The following SHANK1 variants were observed in gnomAD, a reference collection of about 807,000 sequenced individuals.
SHANK1 encodes the protein SH3 and multiple ankyrin repeat domains protein 1.
Under a neutral mutation model 165.6 loss-of-function variants are expected in SHANK1, and 35 were observed. The ratio of observed to expected loss-of-function variants is 0.21; its 90% CI spans 0.16 to 0.28. SHANK1 has a LOEUF of 0.28. Ranked by LOEUF, SHANK1 falls within the 10% of genes least tolerant of loss-of-function variation. The probability of loss-of-function intolerance (pLI) is 1.00; values close to 1 mark genes in which losing one functional copy is unlikely to be tolerated. For missense variants in SHANK1, 2,681 were observed against 3,036.4 expected (o/e 0.88, Z 2.75); for synonymous variants, 1,428 against 1,384.8 (o/e 1.03, Z -0.69).
chr19:50,713,680 A>G lies in SHANK1; in HGVS notation c.792+118T>C. ...CTCAGTCTATGGAAAGGGGCTTTGAACTGGGGACATGAGAGGGCCTATTTT... is the reference window on the plus strand; with the variant it reads ...CTCAGTCTATGGAAAGGGGCTTTGAGCTGGGGACATGAGAGGGCCTATTTT... On this transcript the variant is annotated intron_variant, in intron 6 of 23. Coordinates refer to ENST00000293441, the MANE Select transcript of SHANK1 (RefSeq NM_016148.5). The surrounding 1 kb of genome is among the most constrained non-coding windows in gnomAD (Gnocchi z 6.2). 7.5e-7 allele frequency: 1 copy of G among 1,332,192 alleles called. No individual in the cohort carries two copies. Among genetic ancestry groups the G allele is most frequent in the South Asian group, 1.3e-5 (1 of 76,118 alleles). The allele number at this position is 1,332,192 out of a possible 1,614,324, so 82.5% of individuals were successfully genotyped here.
Position 50,702,613 on chromosome 19 carries a change from G to A in SHANK1, c.1601C>T (p.Ser534Leu). The A allele has an allele frequency of 6.3e-7, 1 of 1,592,944 alleles. No individual in the cohort carries two copies. Among genetic ancestry groups the A allele is most frequent in the Admixed American group, 1.7e-5 (1 of 57,474 alleles). Residue 534 changes from serine to leucine, a missense_variant, in exon 12 of 24, where the codon TCA becomes TTA. Around this residue, in one of 10 missense-constraint regions of SHANK1, gnomAD observed 195 missense variants for 186.2 expected, o/e 1.05. Transcript: ENST00000293441. This position sits in a 1 kb window ranked among gnomAD's most constrained non-coding sequence, Gnocchi z 5.3. ...GCCCAGGGAGCCCCCGGGGCCCCCT[G>A]AGCCCCCCGTGCCCCCGGCTGGCCC... ...REGPAGGTGG[S>L]GGPGGSLGSR...
chr19:50,659,296 C>T lies in SHANK1; in HGVS notation c.*2669G>A, dbSNP rs926414522. 8.5e-6 allele frequency: 5 copies of T among 586,556 alleles called. No individual in the cohort carries two copies. Among genetic ancestry groups the T allele is most frequent in the Non-Finnish European group, 1.3e-5 (5 of 397,984 alleles). The allele number at this position is 586,556 out of a possible 1,614,324, so 36.3% of individuals were successfully genotyped here. On this transcript the variant is annotated 3_prime_UTR_variant, in exon 24 of 24. Coordinates refer to ENST00000293441, the MANE Select transcript of SHANK1 (RefSeq NM_016148.5). ...TGTGAGTTTAATTATAAAGAATGAC[C>T]TGGTACAAAAGCCATTTCTCTCTGC...
chr19:50,697,226 G>A lies in SHANK1; in HGVS notation c.1938-104C>T. ...CCCTGACTGCACCCTCCCCACACCG[G>A]TGCATGGGACACACACATTCCCACT... On this transcript the variant is annotated intron_variant, in intron 14 of 23. Coordinates refer to ENST00000293441, the MANE Select transcript of SHANK1 (RefSeq NM_016148.5). This position sits in a 1 kb window ranked among gnomAD's most constrained non-coding sequence, Gnocchi z 4.7. 6.6e-7 allele frequency: 1 copy of A among 1,524,098 alleles called. No homozygotes were observed. Among genetic ancestry groups the A allele is most frequent in the Non-Finnish European group, 9.1e-7 (1 of 1,100,616 alleles). 94.4% of individuals were successfully genotyped at this position (1,524,098 alleles called of 1,614,324 possible).
chr19:50,716,980 G>T lies in SHANK1; in HGVS notation c.-43-18C>A. 2 of 1,398,020 alleles carry T rather than the reference G, an allele frequency of 1.4e-6. No homozygotes were observed. Among genetic ancestry groups the T allele is most frequent in the Non-Finnish European group, 1.9e-6 (2 of 1,080,218 alleles). The allele number at this position is 1,398,020 out of a possible 1,614,324, so 86.6% of individuals were successfully genotyped here. On this transcript the variant is annotated intron_variant, in intron 1 of 23. Transcript: ENST00000293441. The surrounding 1 kb of genome is among the most constrained non-coding windows in gnomAD (Gnocchi z 8.4). ...ACAGGCGGCTGCAGGGGCCAAGGGC[G>T]GCCATCAGACTAGGAGCCCGGGACC...
rs398034977 is a variant in SHANK1, at chr19:50,694,019, CCACACACACACA to C, written c.1964+3065_1964+3076del. ...TGGGACAGACCCACTCCAGCACACA[CCACACACACACA>C]CACACACACACACACACACACACAC... is the stretch of plus-strand genomic sequence containing the variant. On this transcript the variant is annotated intron_variant, in intron 15 of 23. Transcript: ENST00000293441. 2.0e-3 allele frequency among the ~76,000 whole-genome samples: 273 copies of C among 138,686 alleles called. 1 individual carries two copies. The highest frequency in any genetic ancestry group is 6.7e-3 in the African/African-American group (247 of 36,730). 91.0% of individuals were successfully genotyped at this position (138,686 alleles called of 152,430 possible).
chr19:50,709,491 C>G (rs2088983430), intron 8 of SHANK1, among the ~76,000 whole-genome samples: 1 of 152,034 alleles, frequency 6.6e-6, no homozygotes. Flanking sequence ...GAAAGGAGAT[C>G]AAGGAGGGGA....
Position 50,662,085 on chromosome 19 carries a change from G to A in SHANK1, c.6366C>T (p.His2122=), listed in dbSNP as rs769028129. 6 of 1,614,074 alleles carry A rather than the reference G, an allele frequency of 3.7e-6. No individual in the cohort carries two copies. The highest frequency in any genetic ancestry group is 2.2e-5 in the South Asian group (2 of 91,084). Residue 2122 remains histidine (H), a synonymous_variant, in exon 24 of 24, where the codon CAC becomes CAT. Transcript: ENST00000293441. The surrounding 1 kb of genome is among the most constrained non-coding windows in gnomAD (Gnocchi z 7.7). ...CGGGCAGGTGGGAGCCATCGATCTC[G>A]TGGTCCAGGAACTGGGCTCGGTGCT... ...LAEHRAQFLD[H]EIDGSHLPAL...
At chr19:50,703,458 T>TGACGGGGCTGGGGACTGTGGA in intron 11 of SHANK1, 42 bp downstream of exon 11, 1 of 1,493,132 alleles carries the variant, frequency 6.7e-7, no homozygotes, top group Non-Finnish European at 9.0e-7. Flanking sequence ...AGAGGGGATT[T>TGACGGGGCTGGGGACTGTGGA]GACGGGGCTG....
intron 21 of SHANK1, among the ~76,000 whole-genome samples, chr19:50,679,551 C>T (rs1186940344): frequency 6.6e-6 from 1 of 152,140 alleles, no homozygotes; most frequent in East Asian, 1.9e-4. Flanking sequence ...AATCAGAGTG[C>T]GCAGCCTTGC....
In SHANK1 at chr19:50,662,371, G is replaced by A. The variant is rs150859202; in HGVS notation, c.6080C>T (p.Pro2027Leu). 1 of 1,583,200 alleles carries A rather than the reference G, an allele frequency of 6.3e-7. No homozygotes were observed. The highest frequency in any genetic ancestry group is 1.8e-5 in the Admixed American group (1 of 56,124). Residue 2027 changes from proline to leucine, a missense_variant, in exon 24 of 24, where the codon CCC becomes CTC. Physicochemically the swap from Pro to Leu is moderately conservative, Grantham distance 98. Transcript: ENST00000293441. The surrounding 1 kb of genome is among the most constrained non-coding windows in gnomAD (Gnocchi z 7.7). ...GATGTCAAAGAGGCCTGGGTAGAGG[G>A]GTCCGGAAGGCAGGATGGGCAGGGA... is the stretch of plus-strand genomic sequence containing the variant. ...PSSLPILPSGPLYPGLFDIRG... is the reference protein window; with the variant it reads ...PSSLPILPSGLLYPGLFDIRG...
rs771620821 is a variant in SHANK1 at position 50,697,562 on chromosome 19, G to T, written c.1937+27C>A. 1 of 1,576,908 alleles carries T rather than the reference G, an allele frequency of 6.3e-7. No homozygotes were observed. Among genetic ancestry groups the T allele is most frequent in the South Asian group, 1.1e-5 (1 of 90,230 alleles). ...GTGAAGGGAACTTGGGGTGAGGGGG[G>T]TTGCCCGAGGGTGTAAGGACATTTA... On this transcript the variant is annotated intron_variant, in intron 14 of 23. Coordinates refer to ENST00000293441, the MANE Select transcript of SHANK1 (RefSeq NM_016148.5). The surrounding 1 kb of genome is among the most constrained non-coding windows in gnomAD (Gnocchi z 4.7).
At chr19:50,674,608 G>A (rs1415390480) in intron 21 of SHANK1, among the ~76,000 whole-genome samples, 2 of 152,130 alleles carry the variant, frequency 1.3e-5, no homozygotes, top group African/African-American at 4.8e-5. Flanking sequence ...CTTTAGGCCT[G>A]CAGTGCCCCC....
In SHANK1 at chr19:50,662,192, C is replaced by G; in HGVS notation, c.6259G>C (p.Asp2087His). ...SPTRLLSLPPDKPFGAKPLGF... is the reference protein window; with the variant it reads ...SPTRLLSLPPHKPFGAKPLGF... Reference sequence around the variant, plus strand: ...AGAGGTTTAGCGCCAAACGGCTTGTCCGGGGGCAGCGAGAGCAGGCGGGTC... The same window carrying G: ...AGAGGTTTAGCGCCAAACGGCTTGTGCGGGGGCAGCGAGAGCAGGCGGGTC... Residue 2087 changes from aspartate (D) to histidine (H), a missense_variant, in exon 24 of 24, where the codon GAC (aspartate) becomes CAC (histidine). Transcript: ENST00000293441. The surrounding 1 kb of genome is among the most constrained non-coding windows in gnomAD (Gnocchi z 7.7). 2 of 1,609,742 alleles carry G rather than the reference C, an allele frequency of 1.2e-6. No homozygotes were observed. The highest frequency in any genetic ancestry group is 1.7e-4 in the Middle Eastern group (1 of 6,050).
intron 23 of SHANK1, among the ~76,000 whole-genome samples, chr19:50,664,558 C>T (rs1985404113): frequency 6.6e-6 from 1 of 152,162 alleles, no homozygotes; most frequent in South Asian, 2.1e-4. Flanking sequence ...GATTCATTTG[C>T]CTAAGATCAC....
chr19:50,688,793 G>C lies in SHANK1; in HGVS notation c.2172+51C>G, dbSNP rs552853497. 7.0e-6 allele frequency: 11 copies of C among 1,574,476 alleles called. No individual in the cohort carries two copies. In the African/African-American group the frequency reaches 8.1e-5, roughly 12 times the overall value. On this transcript the variant is annotated intron_variant, in intron 17 of 23. Coordinates refer to ENST00000293441, the MANE Select transcript of SHANK1 (RefSeq NM_016148.5). The surrounding 1 kb of genome is among the most constrained non-coding windows in gnomAD (Gnocchi z 6.7). ...AGATCCTGGTGTGAATCATGAGGGGGTCTGGGAACTTGTCACAGGGTCCCA... is the reference window on the plus strand; with the variant it reads ...AGATCCTGGTGTGAATCATGAGGGGCTCTGGGAACTTGTCACAGGGTCCCA...
chr19:50,706,728 A>G (rs945476783), intron 8 of SHANK1, among the ~76,000 whole-genome samples: 3 of 120,254 alleles, frequency 2.5e-5, no homozygotes, highest in Admixed American at 2.4e-4. Flanking sequence ...CATCCTGTCT[A>G]AAAAAAAAAC....
chr19:50,703,320 G>A (rs929873629), intron 11 of SHANK1, among the ~76,000 whole-genome samples, 180 bp downstream of exon 11: 3 of 152,196 alleles, frequency 2.0e-5, no homozygotes, highest in Non-Finnish European at 2.9e-5. Flanking sequence ...AACATGTGGT[G>A]CACCGGGGGT....
At chr19:50,674,570 C>A (rs1236274591) in intron 21 of SHANK1, among the ~76,000 whole-genome samples, 1 of 152,098 alleles carries the variant, frequency 6.6e-6, no homozygotes, top group Non-Finnish European at 1.5e-5. Flanking sequence ...TTATCTTAGC[C>A]CTCCACCCTG....
rs1325652277 is a variant in SHANK1, at chr19:50,690,770, G to A, written c.1965-1491C>T. Among the ~76,000 whole-genome samples, 1 of 151,700 alleles carries A rather than the reference G, an allele frequency of 6.6e-6. No individual in the cohort carries two copies. Among genetic ancestry groups the A allele is most frequent in the Non-Finnish European group, 1.5e-5 (1 of 67,960 alleles). On this transcript the variant is annotated intron_variant, in intron 15 of 23. Coordinates refer to ENST00000293441, the MANE Select transcript of SHANK1 (RefSeq NM_016148.5). This position sits in a 1 kb window ranked among gnomAD's most constrained non-coding sequence, Gnocchi z 4.9. ...TTCCAATAATAACTCCCCCTCACTCGGATCTCAGTGTATTCCCATAACACG... is the reference window on the plus strand; with the variant it reads ...TTCCAATAATAACTCCCCCTCACTCAGATCTCAGTGTATTCCCATAACACG...
Sources: allele counts gnomAD v4.1 joint callset (sites outside exome capture counted in the v4.1 genomes callset), GRCh38; gene constraint gnomAD v4.1.1; regional missense constraint gnomAD v4.1.1; non-coding constraint Gnocchi (gnomAD v3.1); transcripts MANE v1.5; gene names NCBI Gene and HGNC (gene_info 2026-07-23, HGNC 2026-07-21).